CNTNAP5: variants seen among roughly 807,000 people sequenced by gnomAD.
CNTNAP5 encodes the protein contactin-associated protein-like 5.
CNTNAP5 carries 72 observed loss-of-function variants against 150.2 expected under a neutral mutation model. That is an observed-to-expected ratio of 0.48 (90% CI 0.40 to 0.58). The LOEUF (loss-of-function observed/expected upper bound fraction) is 0.58, where lower values mean the gene tolerates loss of function less well. Among genes scored for constraint, CNTNAP5 ranks in the 20% least tolerant of loss-of-function variants. The pLI is 0.00. For missense variants in CNTNAP5, 1,636 were observed against 1,626.2 expected, an observed-to-expected ratio of 1.01 and a Z score of -0.10; for synonymous variants, 672 against 619.8, an observed-to-expected ratio of 1.08 and a Z score of -1.25.
intron 13 of CNTNAP5, among the ~76,000 whole-genome samples, chr2:124,668,631 T>C (rs1044162040): frequency 9.2e-5 from 14 of 152,182 alleles, no homozygotes; most frequent in Admixed American, 6.5e-5. Flanking sequence ...ATGTGATGCA[T>C]GGATGGAATT....
At chr2:124,650,968 G>A (rs751305601) in intron 13 of CNTNAP5, among the ~76,000 whole-genome samples, 139 of 152,104 alleles carry the variant, frequency 9.1e-4, no homozygotes, top group Non-Finnish European at 1.4e-3. Context: ...GCAGGGCAGC[G>A]AGTATGCATA....
At chr2:124,720,244 T>C (rs1680022478) in intron 13 of CNTNAP5, among the ~76,000 whole-genome samples, 1 of 152,204 alleles carries the variant, frequency 6.6e-6, no homozygotes, top group African/African-American at 2.4e-5. Context: ...ATAGCCTGTA[T>C]TTTTGCTGTT....
chr2:124,619,122 A>T lies in CNTNAP5; in HGVS notation c.1876+9202A>T, dbSNP rs546957283. On this transcript the variant is annotated intron_variant, in intron 12 of 23. Transcript: ENST00000682447. ...TTCATACCTCCATCGGATGATAAAA[A>T]TCTGGAATGGATGCAGAGCATTTCA... Among the ~76,000 whole-genome samples the T allele has an allele frequency of 8.5e-5, 13 of 152,320 alleles. No homozygotes were observed. In the South Asian group the frequency reaches 2.3e-3, roughly 27 times the overall value.
At chr2:124,377,794 C>T (rs1025928261) in intron 3 of CNTNAP5, among the ~76,000 whole-genome samples, 7 of 150,980 alleles carry the variant, frequency 4.6e-5, no homozygotes, top group African/African-American at 1.5e-4. Flanking sequence ...CAGAGAATGT[C>T]GTACCTAAAA....
chr2:124,812,536 A>T (rs1682259613), intron 19 of CNTNAP5, among the ~76,000 whole-genome samples: 1 of 152,068 alleles, frequency 6.6e-6, no homozygotes, highest in Admixed American at 6.6e-5. Flanking sequence ...CCAGACCTTA[A>T]ATCTCATAAG....
At chr2:124,153,603 C>CTTTTT (rs948493792) in intron 1 of CNTNAP5, among the ~76,000 whole-genome samples, 74 of 85,068 alleles carry the variant, frequency 8.7e-4, no homozygotes, top group East Asian at 3.8e-3. Context: ...CCCCCCGGGA[C>CTTTTT]TTTTTTTTTT....
chr2:124,483,251 C>T (rs950174251), intron 7 of CNTNAP5, among the ~76,000 whole-genome samples: 1 of 152,164 alleles, frequency 6.6e-6, no homozygotes, highest in Non-Finnish European at 1.5e-5. Context: ...ACCCAGAAAC[C>T]TGGAGTTGCT....
chr2:124,597,033 C>G (rs1422488984), intron 11 of CNTNAP5, among the ~76,000 whole-genome samples: 1 of 2,782 alleles, frequency 3.6e-4, no homozygotes, highest in Admixed American at 0.026. Context: ...CTATGTGTGT[C>G]TCTGTACGTG....
intron 3 of CNTNAP5, among the ~76,000 whole-genome samples, chr2:124,280,858 A>C (rs1218365272): frequency 6.6e-6 from 1 of 152,168 alleles, no homozygotes; most frequent in Non-Finnish European, 1.5e-5. Context: ...TCCCCTGAGA[A>C]AGGAAGCCAC....
intron 8 of CNTNAP5, among the ~76,000 whole-genome samples, chr2:124,514,712 C>T (rs1694666882): frequency 2.0e-5 from 3 of 152,050 alleles, no homozygotes; most frequent in Admixed American, 2.0e-4. Context: ...GTGGGGATAT[C>T]ACAGCTTGGT....
intron 2 of CNTNAP5, among the ~76,000 whole-genome samples, chr2:124,229,498 T>C (rs2104750658): frequency 6.6e-6 from 1 of 151,948 alleles, no homozygotes; most frequent in African/African-American, 2.4e-5. Context: ...ACAAAAAAAA[T>C]GAAAAGCAAG....
chr2:124,532,427 C>T (rs187091466), intron 10 of CNTNAP5, among the ~76,000 whole-genome samples: 109 of 152,196 alleles, frequency 7.2e-4, no homozygotes, highest in African/African-American at 2.6e-3. Flanking sequence ...GTAGATGATT[C>T]CCAGTCAATT....
chr2:124,869,289 A>G (rs1677695208), intron 20 of CNTNAP5, among the ~76,000 whole-genome samples: 1 of 152,088 alleles, frequency 6.6e-6, no homozygotes, highest in South Asian at 2.1e-4. Context: ...AGAAAGGGGG[A>G]GAAATGGAAA....
chr2:124,912,749 GAGTCTCTTTA>G (rs1157685216), intron 23 of CNTNAP5, among the ~76,000 whole-genome samples: 1 of 152,050 alleles, frequency 6.6e-6, no homozygotes, highest in Non-Finnish European at 1.5e-5. Context: ...CGTGCTCTAT[GAGTCTCTTTA>G]AGGACAGGGA....
At chr2:124,384,048 A>G (rs187275496) in intron 3 of CNTNAP5, among the ~76,000 whole-genome samples, 3 of 152,274 alleles carry the variant, frequency 2.0e-5, no homozygotes, top group African/African-American at 7.2e-5. Context: ...CCGTGGTTTA[A>G]TATCTGTGTG....
At chr2:124,536,641 A>T (rs1695237574) in intron 10 of CNTNAP5, among the ~76,000 whole-genome samples, 2 of 152,180 alleles carry the variant, frequency 1.3e-5, no homozygotes, top group South Asian at 4.1e-4. Context: ...ATATATAAAT[A>T]AGGAAAGCCT....
chr2:124,546,054 G>A (rs1009384755), intron 10 of CNTNAP5, among the ~76,000 whole-genome samples: 6 of 152,090 alleles, frequency 3.9e-5, no homozygotes, highest in African/African-American at 7.2e-5. Context: ...TACAATCCCA[G>A]AGATTCTGAT....
At chr2:124,758,203 A>G (rs1680880707) in intron 14 of CNTNAP5, among the ~76,000 whole-genome samples, 1 of 152,148 alleles carries the variant, frequency 6.6e-6, no homozygotes, top group South Asian at 2.1e-4. Flanking sequence ...GAAATTGTTA[A>G]TTAAGAGTGA....
At position 124,917,002 on chromosome 2, in the gene CNTNAP5, G is replaced by C. The variant is rs532989007; in HGVS notation, c.*2714G>C. On this transcript the variant is annotated 3_prime_UTR_variant, in exon 24 of 24. Coordinates refer to ENST00000682447, the MANE Select transcript of CNTNAP5 (RefSeq NM_001367498.1). ...TGCTAACTCTGACTGTCTTTCCTCA[G>C]TGGTACCAAGATCTATGTAGTTTTA... Among the ~76,000 whole-genome samples, 1 of 152,174 alleles carries C rather than the reference G, an allele frequency of 6.6e-6. No homozygotes were observed. Among genetic ancestry groups the C allele is most frequent in the African/African-American group, 2.4e-5 (1 of 41,552 alleles).
Sources: allele counts gnomAD v4.1 joint callset (sites outside exome capture counted in the v4.1 genomes callset), GRCh38; gene constraint gnomAD v4.1.1; transcripts MANE v1.5; gene names NCBI Gene and HGNC (gene_info 2026-07-23, HGNC 2026-07-21).